The following IL1RAP variants were observed in gnomAD, a reference collection of about 807,000 sequenced individuals.
The protein encoded by IL1RAP is interleukin 1 receptor accessory protein, also known as interleukin-1 receptor accessory protein.
In IL1RAP, 35 loss-of-function variants were observed where a neutral mutation model predicts 60.7. That is an observed-to-expected ratio of 0.58 (90% CI 0.44 to 0.76). The LOEUF is 0.76. IL1RAP is among the 30% of genes least tolerant of loss of function. The pLI is 0.00. For synonymous variants in IL1RAP, 268 were observed against 250.9 expected (o/e 1.07, Z -0.64); for missense variants, 572 against 693.9 (o/e 0.82, Z 1.97).
chr3:190,546,058 G>A lies in IL1RAP; in HGVS notation c.-88-10072G>A, dbSNP rs147526565. Among the ~76,000 whole-genome samples the A allele has an allele frequency of 2.0e-3, 298 of 152,250 alleles. No individual in the cohort carries two copies. In the Middle Eastern group the frequency reaches 0.034, roughly 17 times the overall value. Reference sequence around the variant, plus strand: ...ACCTCACACAGAATGTAGTGACTATGCATCGGTATGATTAGCAGCTGCATG... The same window carrying A: ...ACCTCACACAGAATGTAGTGACTATACATCGGTATGATTAGCAGCTGCATG... On this transcript the variant is annotated intron_variant, in intron 1 of 11. Coordinates refer to ENST00000447382, the MANE Select transcript of IL1RAP (RefSeq NM_002182.4).
intron 1 of IL1RAP, among the ~76,000 whole-genome samples, chr3:190,526,714 T>G (rs924578965): frequency 6.6e-6 from 1 of 152,238 alleles, no homozygotes; most frequent in Non-Finnish European, 1.5e-5. Flanking sequence ...TAGAGCTGAG[T>G]CTATCTGAAC....
At chr3:190,562,136 C>T (rs1725942129) in intron 2 of IL1RAP, among the ~76,000 whole-genome samples, 2 of 152,156 alleles carry the variant, frequency 1.3e-5, no homozygotes, top group Non-Finnish European at 2.9e-5. Context: ...ATACTATTTT[C>T]CATTTGTGTT....
intron 11 of IL1RAP, among the ~76,000 whole-genome samples, chr3:190,646,625 T>A (rs1165474353): frequency 2.0e-5 from 3 of 152,222 alleles, no homozygotes; most frequent in African/African-American, 7.2e-5. Flanking sequence ...ATATATAAGT[T>A]ACATTCCCAA....
In IL1RAP at chr3:190,572,859, G is replaced by GTTTTTTTTTTTTTTTTT. The variant is rs1200775636; in HGVS notation, c.64+8512_64+8528dup. On this transcript the variant is annotated intron_variant, in intron 3 of 11. Transcript: ENST00000447382. ...TCAGCATGTCCAGGGTTAATGCTTT[G>GTTTTTTTTTTTTTTTTT]TTTTTTTTTTTTTTTTTTTTTTGAG... Among the ~76,000 whole-genome samples the GTTTTTTTTTTTTTTTTT allele has an allele frequency of 7.7e-5, 3 of 39,050 alleles. 1 individual carries two copies. The highest frequency in any genetic ancestry group is 0.038 in the Middle Eastern group (1 of 26). The allele number at this position is 39,050 out of a possible 152,430, so 25.6% of individuals were successfully genotyped here. A position where few individuals can be genotyped will look rare whatever the true frequency, so the allele number is the denominator to read the frequency against.
chr3:190,542,946 A>T (rs911239615), intron 1 of IL1RAP, among the ~76,000 whole-genome samples: 1 of 150,016 alleles, frequency 6.7e-6, no homozygotes, highest in African/African-American at 2.5e-5. Context: ...CCAAAAAAAA[A>T]TGATGAGCTG....
At chr3:190,538,382 T>G (rs1026741899) in intron 1 of IL1RAP, among the ~76,000 whole-genome samples, 1 of 152,192 alleles carries the variant, frequency 6.6e-6, no homozygotes, top group Non-Finnish European at 1.5e-5. Context: ...AGAGCAGATA[T>G]CCAACTTTGC....
intron 3 of IL1RAP, among the ~76,000 whole-genome samples, chr3:190,569,464 C>A (rs570014806): frequency 2.0e-5 from 3 of 152,272 alleles, no homozygotes; most frequent in African/African-American, 7.2e-5. Flanking sequence ...TTAGTCCAAA[C>A]ATTTGGAAAA....
chr3:190,608,262 G>C (rs1272516755), intron 4 of IL1RAP, among the ~76,000 whole-genome samples: 1 of 152,170 alleles, frequency 6.6e-6, no homozygotes, highest in Non-Finnish European at 1.5e-5. Flanking sequence ...ATATGGTATA[G>C]TCTGTTACTC....
At chr3:190,628,400 G>A (rs565548649) in intron 8 of IL1RAP, among the ~76,000 whole-genome samples, 3 of 152,134 alleles carry the variant, frequency 2.0e-5, no homozygotes, top group South Asian at 2.1e-4. Context: ...CTGTTGAAAC[G>A]TACTCAGTGT....
chr3:190,561,223 C>G (rs1398295591), intron 2 of IL1RAP, among the ~76,000 whole-genome samples: 1 of 152,184 alleles, frequency 6.6e-6, no homozygotes, highest in African/African-American at 2.4e-5. Context: ...GTGTATTACT[C>G]TTTACGATAA....
At position 190,589,672 on chromosome 3, in the gene IL1RAP, G is replaced by T. The variant is rs139982023; in HGVS notation, c.65-14456G>T. ...CTTTGTAATTTTGCGTGGAATATTG[G>T]CTGCACATCTTGAGGCGGGGAAGTT... is the stretch of plus-strand genomic sequence containing the variant. On this transcript the variant is annotated intron_variant, in intron 3 of 11. Transcript: ENST00000447382. Among the ~76,000 whole-genome samples the T allele has an allele frequency of 9.1e-4, 139 of 152,270 alleles. 1 individual carries two copies. Among genetic ancestry groups the T allele is most frequent in the African/African-American group, 3.2e-3 (133 of 41,556 alleles).
At chr3:190,615,309 G>A (rs1052570581) in intron 5 of IL1RAP, 2 of 1,281,262 alleles carry the variant, frequency 1.6e-6, no homozygotes, top group African/African-American at 1.5e-5. Context: ...AGACTGCCTT[G>A]TTTATTCACA....
At chr3:190,550,494 TC>T (rs1370563597) in intron 1 of IL1RAP, 1 of 152,336 alleles carries the variant, frequency 6.6e-6, no homozygotes, top group Non-Finnish European at 1.5e-5. Context: ...TTGTGACATT[TC>T]CAGATAACTG....
chr3:190,515,233 C>CTTTTTT lies in IL1RAP; in HGVS notation c.-89+1021_-89+1026dup, dbSNP rs34578850. Among the ~76,000 whole-genome samples, 994 of 144,780 alleles carry CTTTTTT rather than the reference C, an allele frequency of 6.9e-3. 16 individuals carry two copies. Among genetic ancestry groups the CTTTTTT allele is most frequent in the African/African-American group, 0.024 (947 of 39,386 alleles). 95.0% of individuals were successfully genotyped at this position (144,780 alleles called of 152,430 possible). Reference sequence around the variant, plus strand: ...GGGTTTTTCTTTTCTTTCTTTCTTCCTTTTTTTTTTTTCCAGCCAAAAAAT... The same window carrying CTTTTTT: ...GGGTTTTTCTTTTCTTTCTTTCTTCCTTTTTTTTTTTTTTTTTTCCAGCCAAAAAAT... On this transcript the variant is annotated intron_variant, in intron 1 of 11. Transcript: ENST00000447382.
intron 5 of IL1RAP, among the ~76,000 whole-genome samples, chr3:190,610,962 C>A (rs1179482861): frequency 1.3e-5 from 2 of 152,106 alleles, no homozygotes; most frequent in African/African-American, 4.8e-5. Context: ...TAATGGGTTA[C>A]ATTTGGATGA....
intron 3 of IL1RAP, among the ~76,000 whole-genome samples, chr3:190,577,396 G>A (rs1003114170): frequency 6.6e-6 from 1 of 152,130 alleles, no homozygotes; most frequent in Admixed American, 6.6e-5. Context: ...TTAGTCATTT[G>A]AAGTTGGCTT....
At chr3:190,615,224 T>C (rs1231172205) in intron 5 of IL1RAP, 3 of 748,376 alleles carry the variant, frequency 4.0e-6, no homozygotes, top group African/African-American at 3.6e-5. Context: ...AAACCATAGT[T>C]TGTAAGTGAT....
chr3:190,641,854 T>A (rs1418845471), intron 9 of IL1RAP, among the ~76,000 whole-genome samples: 3 of 152,166 alleles, frequency 2.0e-5, no homozygotes, highest in African/African-American at 7.2e-5. Context: ...ACACAGTGAT[T>A]TTCATGCCAG....
intron 1 of IL1RAP, among the ~76,000 whole-genome samples, chr3:190,536,882 TG>T (rs1723511868): frequency 6.6e-6 from 1 of 152,148 alleles, no homozygotes; most frequent in African/African-American, 2.4e-5. Context: ...ATTCAATTTT[TG>T]TAAAAAGAAA....
Sources: allele counts gnomAD v4.1 joint callset (sites outside exome capture counted in the v4.1 genomes callset), GRCh38; gene constraint gnomAD v4.1.1; transcripts MANE v1.5; gene names NCBI Gene and HGNC (gene_info 2026-07-23, HGNC 2026-07-21).